Variants in OGG1 observed in about 807,000 individuals in gnomAD.
OGG1 encodes the protein 8-oxoguanine DNA glycosylase.
In OGG1, 35 loss-of-function variants were observed where a neutral mutation model predicts 42.3. The ratio of observed to expected loss-of-function variants is 0.83; its 90% CI spans 0.63 to 1.10. The LOEUF is 1.10. Among genes scored for constraint, OGG1 ranks in the 50% least tolerant of loss-of-function variants. The pLI is 0.00. For synonymous variants in OGG1, 189 were observed against 179.0 expected (o/e 1.06, Z -0.44); for missense variants, 484 against 446.7 (o/e 1.08, Z -0.75).
exon 8 of OGG1, chr3:9,766,324 C>T (rs532374616): frequency 1.4e-6 from 1 of 692,100 alleles, no homozygotes; most frequent in South Asian, 1.5e-5. Flanking sequence ...GAGGTCTACC[C>T]CTGGGCTTTT....
downstream of OGG1, chr3:9,757,802 C>T (rs768531437): frequency 1.1e-5 from 18 of 1,613,544 alleles, no homozygotes. This position sits in a 1 kb window ranked among gnomAD's most constrained non-coding sequence, Gnocchi z 4.5. Context: ...TGCCCAGCTG[C>T]AGTTTCCTCA....
Position 9,756,606 on chromosome 3 carries a change from A to G in OGG1, c.883A>G (p.Thr295Ala), listed in dbSNP as rs149295536. 1.2e-6 allele frequency: 2 copies of G among 1,613,630 alleles called. No individual in the cohort carries two copies. The highest frequency in any genetic ancestry group is 1.3e-5 in the African/African-American group (1 of 74,914). ...TSQAKGPSPQ[T>A]NKELGNFFRS... ...CCAGGCGAAGGGACCGAGCCCCCAGACCAACAAGGAACTGGGTGAGGAAAG... is the reference window on the plus strand; with the variant it reads ...CCAGGCGAAGGGACCGAGCCCCCAGGCCAACAAGGAACTGGGTGAGGAAAG... Residue 295 changes from threonine to alanine, a missense_variant, in exon 5 of 7, where the codon ACC becomes GCC. Physicochemically the swap from Thr to Ala is moderately conservative, Grantham distance 58 (BLOSUM62 0). Transcript: ENST00000344629.
intron 2 of OGG1, among the ~76,000 whole-genome samples, chr3:9,773,719 G>A (rs747133053): frequency 2.6e-5 from 4 of 151,200 alleles, no homozygotes; most frequent in Non-Finnish European, 5.9e-5. Flanking sequence ...TTGAGACAGG[G>A]CCTCACTCTG....
In OGG1 at chr3:9,750,025, A is replaced by AG; in HGVS notation, c.-261dup. 1 of 537,700 alleles carries AG rather than the reference A, an allele frequency of 1.9e-6. No individual in the cohort carries two copies. Among genetic ancestry groups the AG allele is most frequent in the South Asian group, 2.5e-5 (1 of 40,338 alleles). 33.3% of individuals were successfully genotyped at this position (537,700 alleles called of 1,614,324 possible). ...CGCGCCCACAGGCTCTGGGGGCGGG[A>AG]GAAGATAAGTCGCAAGGAGGGGGCG... On this transcript the variant is annotated 5_prime_UTR_variant, in exon 1 of 7. Transcript: ENST00000344629.
chr3:9,770,934 A>G (rs2078287312), downstream of OGG1, among the ~76,000 whole-genome samples: 1 of 152,168 alleles, frequency 6.6e-6, no homozygotes, highest in Non-Finnish European at 1.5e-5. Flanking sequence ...TGCATGTTCC[A>G]GCTGGTGATG....
chr3:9,755,404 C>T (rs2077490999), intron 4 of OGG1, among the ~76,000 whole-genome samples: 1 of 150,910 alleles, frequency 6.6e-6, no homozygotes. Flanking sequence ...ACTGACAAAA[C>T]TTTTTGCTTG....
At chr3:9,751,224 T>C (rs1474308246) in intron 2 of OGG1, 32 bp downstream of exon 2, 1 of 1,609,680 alleles carries the variant, frequency 6.2e-7, no homozygotes, top group East Asian at 2.2e-5. Flanking sequence ...GGGTTAGGGT[T>C]CTTGGACATA....
chr3:9,753,395 G>A (rs1234747626), intron 3 of OGG1, among the ~76,000 whole-genome samples: 1 of 150,554 alleles, frequency 6.6e-6, no homozygotes, highest in Admixed American at 6.7e-5. Flanking sequence ...GCTCACACCC[G>A]TAATCCCAGC....
At chr3:9,787,418 T>C (rs759983815) in intron 3 of OGG1, 11 of 1,516,678 alleles carry the variant, frequency 7.3e-6, no homozygotes, top group Admixed American at 4.5e-5. Flanking sequence ...CACTTACCTA[T>C]CTTATATCTC....
intron 4 of OGG1, among the ~76,000 whole-genome samples, chr3:9,756,180 G>A (rs2077544357): frequency 6.6e-6 from 1 of 152,164 alleles, no homozygotes; most frequent in Non-Finnish European, 1.5e-5. Context: ...AGCCACACGT[G>A]GTGGCACATG....
At chr3:9,773,789 C>G (rs546032651) in intron 2 of OGG1, among the ~76,000 whole-genome samples, 1 of 152,210 alleles carries the variant, frequency 6.6e-6, no homozygotes, top group African/African-American at 2.4e-5. Context: ...ACTTCCCAGG[C>G]TGGAGTGATC....
rs116472812 is a variant in OGG1 at position 9,751,176 on chromosome 3, G to A, written c.369G>A (p.Val123=). 20 of 1,614,058 alleles carry A rather than the reference G, an allele frequency of 1.2e-5. No homozygotes were observed. The African/African-American group carries it at 2.5e-4, about 20-fold the overall frequency. Residue 123 remains valine, a synonymous_variant, in exon 2 of 7, where the codon GTG becomes GTA. Coordinates refer to ENST00000344629, the MANE Select transcript of OGG1 (RefSeq NM_002542.6). ...WGSVDSHFQE[V]AQKFQGVRLL... is the part of the protein sequence containing the mutation. ...CCGTGGACTCCCACTTCCAAGAGGT[G>A]GCTCAGAAATTCCAAGGTGAGTACA...
At chr3:9,760,228 G>A, downstream of OGG1, 1 of 187,496 alleles carries the variant, frequency 5.3e-6, no homozygotes. Flanking sequence ...GGGCAACAGA[G>A]CGAGACTGCG....
In OGG1 at chr3:9,752,049, C is replaced by T. The variant is rs1252019723; in HGVS notation, c.565+100C>T. The T allele has an allele frequency of 4.9e-5, 58 of 1,174,834 alleles. No homozygotes were observed. The East Asian group carries it at 1.2e-3, about 24-fold the overall frequency. The allele number at this position is 1,174,834 out of a possible 1,614,324, so 72.8% of individuals were successfully genotyped here. ...TCTCAAGGCTTCCTGCCTTCCCAAACACTTCCCCTATCCAGAACCGCCCTG... is the reference window on the plus strand; with the variant it reads ...TCTCAAGGCTTCCTGCCTTCCCAAATACTTCCCCTATCCAGAACCGCCCTG... On this transcript the variant is annotated intron_variant, in intron 3 of 6. Transcript: ENST00000344629.
chr3:9,762,832 G>T, intron 7 of OGG1: 2 of 1,420,530 alleles, frequency 1.4e-6, no homozygotes, highest in Non-Finnish European at 2.0e-6. Context: ...GGGGGTGAAA[G>T]TTGCCCAAGG....
Position 9,751,778 on chromosome 3 carries a change from CTG to C in OGG1, c.395_396del (p.Leu132ProfsTer42). The part of the protein sequence containing the change: ...EVAQKFQGVR[L>X]LRQDPIECLF... Reference sequence around the variant, plus strand: ...GCATTTCTGGTCTCCAGGTGTGCGACTGCTGCGACAAGACCCCATCGAATGCC... The same window carrying C: ...GCATTTCTGGTCTCCAGGTGTGCGACCTGCGACAAGACCCCATCGAATGCC... On this transcript the variant is annotated frameshift_variant, in exon 3 of 7. Coordinates refer to ENST00000344629, the MANE Select transcript of OGG1 (RefSeq NM_002542.6). LOFTEE classifies it high-confidence loss of function. 1 of 1,614,228 alleles carries C rather than the reference CTG, an allele frequency of 6.2e-7. No individual in the cohort carries two copies. The highest frequency in any genetic ancestry group is 8.5e-7 in the Non-Finnish European group (1 of 1,180,042).
intron 3 of OGG1, among the ~76,000 whole-genome samples, chr3:9,753,931 A>G (rs1214397376): frequency 1.3e-5 from 2 of 152,016 alleles, no homozygotes; most frequent in Non-Finnish European, 2.9e-5. Context: ...TGAGCCCAGG[A>G]GTTTGAGACC....
intron 4 of OGG1, among the ~76,000 whole-genome samples, chr3:9,755,754 C>T (rs9818365): frequency 1.8e-3 from 278 of 152,192 alleles, no homozygotes; most frequent in African/African-American, 6.4e-3. Context: ...GCCACTGCAC[C>T]CAGCCTTTTT....
chr3:9,790,159 A>G (rs149377812), downstream of OGG1, among the ~76,000 whole-genome samples: 8 of 152,270 alleles, frequency 5.3e-5, no homozygotes, highest in Admixed American at 3.3e-4. Flanking sequence ...AACTTTATTC[A>G]TATACTTCTC....
Sources: gnomAD v4.1 joint callset for allele counts (sites outside exome capture counted in the v4.1 genomes callset) on GRCh38, gnomAD v4.1.1 for gene constraint, Gnocchi (gnomAD v3.1) non-coding constraint, MANE v1.5 for transcripts, NCBI Gene and HGNC (gene_info 2026-07-23, HGNC 2026-07-21) for gene names.